ADAMTS13: variants seen among roughly 807,000 people sequenced by gnomAD.
ADAMTS13 encodes ADAM metallopeptidase with thrombospondin type 1 motif 13.
In ADAMTS13, 110 loss-of-function variants were observed where a neutral mutation model predicts 155.1. The observed-to-expected ratio is 0.71, with a 90% CI of 0.61 to 0.83. The LOEUF is 0.83. ADAMTS13 is among the 40% of genes least tolerant of loss of function. The pLI is 0.00. For synonymous variants in ADAMTS13, 758 were observed against 756.4 expected (o/e 1.00, Z -0.03); for missense variants, 1,707 against 1,891.7 (o/e 0.90, Z 1.81).
chr9:133,423,720 G>A (rs587765302), intron 2 of ADAMTS13, among the ~76,000 whole-genome samples: 2 of 152,346 alleles, frequency 1.3e-5, no homozygotes, highest in Admixed American at 1.3e-4. Flanking sequence ...AGGAGGGCAA[G>A]GCCCACTTTG....
At chr9:133,423,228 C>T (rs1430728530) in intron 2 of ADAMTS13, 61 bp downstream of exon 2, 8 of 1,494,014 alleles carry the variant, frequency 5.4e-6, no homozygotes, top group Non-Finnish European at 7.5e-6. Flanking sequence ...AGGGGTATCT[C>T]ACCACTGAGT....
chr9:133,448,834 G>C (rs1554793421), intron 22 of ADAMTS13, 106 bp downstream of exon 22: 2 of 1,501,182 alleles, frequency 1.3e-6, no homozygotes, highest in Admixed American at 2.0e-5. Flanking sequence ...GGTGCTGCTG[G>C]CTGTGCACTG....
rs1021945973 is a variant in ADAMTS13 at position 133,433,440 on chromosome 9, G to A, written c.1155G>A (p.Gly385=). ...VELTPIAAVH[G]RWSSWGPRSP... ...TGACCCCCATAGCAGCAGTGCATGG[G>A]CGCTGGTCTAGCTGGGGTCCCCGAA... Residue 385 remains glycine (G), a synonymous_variant, in exon 10 of 29, where the codon GGG becomes GGA. Coordinates refer to ENST00000355699, the MANE Select transcript of ADAMTS13 (RefSeq NM_139027.6). The A allele has an allele frequency of 1.2e-6, 2 of 1,613,456 alleles. No homozygotes were observed. Among genetic ancestry groups the A allele is most frequent in the Non-Finnish European group, 1.7e-6 (2 of 1,179,956 alleles).
At chr9:133,432,773 T>G (rs1554787865) in intron 9 of ADAMTS13, 81 bp downstream of exon 9, 1 of 1,374,934 alleles carries the variant, frequency 7.3e-7, no homozygotes, top group Non-Finnish European at 1.0e-6. Flanking sequence ...TATTCCTAGG[T>G]CAGGAGGCAG....
chr9:133,444,267 C>A (rs1588186670), intron 19 of ADAMTS13, among the ~76,000 whole-genome samples: 1 of 152,196 alleles, frequency 6.6e-6, no homozygotes, highest in Admixed American at 6.5e-5. Flanking sequence ...GCACCTGTTT[C>A]TCTGCACCTG....
In ADAMTS13 at chr9:133,456,091, T is replaced by C; in HGVS notation, c.3423T>C (p.Leu1141=). 1 of 1,613,130 alleles carries C rather than the reference T, an allele frequency of 6.2e-7. No individual in the cohort carries two copies. The highest frequency in any genetic ancestry group is 8.5e-7 in the Non-Finnish European group (1 of 1,179,932). The part of the protein sequence containing the change: ...VGQGACGRQH[L]EPTGTIDMRG... ...CAGGTGCCTGTGGCAGGCAGCACCT[T>C]GAGCCAACAGGAACCATTGACATGC... The change falls in exon 26 of 29, where the codon CTT becomes CTC. Residue 1141 remains leucine, a synonymous_variant. Coordinates refer to ENST00000355699, the MANE Select transcript of ADAMTS13 (RefSeq NM_139027.6). This position sits in a 1 kb window ranked among gnomAD's most constrained non-coding sequence, Gnocchi z 4.4.
chr9:133,430,123 T>TG (rs782093351), intron 8 of ADAMTS13, 22 bp downstream of exon 8: 15 of 1,563,072 alleles, frequency 9.6e-6, no homozygotes, highest in Non-Finnish European at 1.3e-5. Flanking sequence ...GGCGGTGGCC[T>TG]GGGATTGGCT....
At chr9:133,438,482 C>T in intron 14 of ADAMTS13, 116 bp downstream of exon 14, 1 of 1,471,350 alleles carries the variant, frequency 6.8e-7, no homozygotes, top group Non-Finnish European at 9.2e-7. Context: ...CTCACTCAGC[C>T]CTGGATGCCT....
intron 1 of ADAMTS13, among the ~76,000 whole-genome samples, chr9:133,416,059 A>G (rs1554781502): frequency 6.6e-6 from 1 of 152,160 alleles, no homozygotes; most frequent in Admixed American, 6.5e-5. Flanking sequence ...ATAAAGAAAA[A>G]ACGTTTATGT....
chr9:133,432,562 C>A, intron 8 of ADAMTS13, 26 bp from the exon 9 acceptor site: 1 of 1,543,768 alleles, frequency 6.5e-7, no homozygotes, highest in Non-Finnish European at 8.8e-7. Flanking sequence ...CCCCTGAGCT[C>A]GCCACCCACC....
chr9:133,455,682 G>T (rs1396175506), intron 25 of ADAMTS13: 4 of 1,548,326 alleles, frequency 2.6e-6, no homozygotes, highest in Non-Finnish European at 3.5e-6. Flanking sequence ...GGAAGGACTG[G>T]CACAAGCACT....
At chr9:133,442,842 C>A in intron 18 of ADAMTS13, 99 bp downstream of exon 18, 1 of 1,475,190 alleles carries the variant, frequency 6.8e-7, no homozygotes, top group Non-Finnish European at 9.0e-7. Flanking sequence ...GTGGCAGGGC[C>A]GGGCTGAGCT....
rs587613033 is a variant in ADAMTS13 at position 133,432,422 on chromosome 9, C to T, written c.988-166C>T. On this transcript the variant is annotated intron_variant, in intron 8 of 28. Coordinates refer to ENST00000355699, the MANE Select transcript of ADAMTS13 (RefSeq NM_139027.6). ...CCTGGTCATGGTCCCGGTTCCCCAT[C>T]GATGGGTCAGTCATGCCTTGTCCTC... Among the ~76,000 whole-genome samples, 17 of 152,376 alleles carry T rather than the reference C, an allele frequency of 1.1e-4. No individual in the cohort carries two copies. The East Asian group carries it at 2.5e-3, about 22-fold the overall frequency.
chr9:133,421,788 T>C (rs1306819214), upstream of ADAMTS13, among the ~76,000 whole-genome samples: 1 of 151,722 alleles, frequency 6.6e-6, no homozygotes, highest in Non-Finnish European at 1.5e-5. Flanking sequence ...CTTTGAGGGG[T>C]GGAAAGACAA....
Position 133,433,449 on chromosome 9 carries a change from T to C in ADAMTS13, c.1164T>C (p.Ser388=). The change falls in exon 10 of 29, where the codon TCT becomes TCC. Residue 388 remains serine (S), a synonymous_variant. Transcript: ENST00000355699. The part of the protein sequence containing the change: ...TPIAAVHGRW[S]SWGPRSPCSR... ...TAGCAGCAGTGCATGGGCGCTGGTC[T>C]AGCTGGGGTCCCCGAAGTCCTTGCT... The C allele has an allele frequency of 6.2e-7, 1 of 1,613,556 alleles. No individual in the cohort carries two copies. The highest frequency in any genetic ancestry group is 8.5e-7 in the Non-Finnish European group (1 of 1,179,956).
upstream of ADAMTS13, among the ~76,000 whole-genome samples, chr9:133,419,354 A>G (rs1554782503): frequency 6.6e-6 from 1 of 152,136 alleles, no homozygotes; most frequent in Non-Finnish European, 1.5e-5. Flanking sequence ...CCAAGGAGAG[A>G]CGTCTAATCA....
Position 133,455,009 on chromosome 9 carries a change from C to T in ADAMTS13, c.3250-276C>T, listed in dbSNP as rs28396988. On this transcript the variant is annotated intron_variant, in intron 24 of 28. Transcript: ENST00000355699. The stretch of plus-strand genomic sequence containing the variant: ...AGGGGCACAGCAGACAGAGATGAGC[C>T]GCAGCCCCGCAGACCTGCTTGCTCT... Among the ~76,000 whole-genome samples, 339 of 152,242 alleles carry T rather than the reference C, an allele frequency of 2.2e-3. 8 individuals carry two copies. In the East Asian group the frequency reaches 0.046, roughly 21 times the overall value.
At position 133,454,617 on chromosome 9, in the gene ADAMTS13, G is replaced by A; in HGVS notation, c.3247G>A (p.Glu1083Lys). The change falls in exon 24 of 29, where the codon GAG (glutamate) becomes AAG (lysine). Residue 1083 changes from glutamate (E) to lysine (K), a missense_variant and splice_region_variant. Physicochemically the swap from Glu to Lys is moderately conservative, Grantham distance 56. Around this residue, in one of 3 missense-constraint regions of ADAMTS13, gnomAD observed 961 missense variants for 1,107.9 expected, o/e 0.87. Transcript: ENST00000355699. Reference protein sequence around the residue: ...TYRWHVGTWMECSVSCGDGIQ... With the variant: ...TYRWHVGTWMKCSVSCGDGIQ... ...CCGCTGGCATGTTGGCACCTGGATGGAGGTGAGCACAGCGGGCACTCGGAA... is the reference window on the plus strand; with the variant it reads ...CCGCTGGCATGTTGGCACCTGGATGAAGGTGAGCACAGCGGGCACTCGGAA... 6.3e-7 allele frequency: 1 copy of A among 1,599,328 alleles called. No homozygotes were observed. Among genetic ancestry groups the A allele is most frequent in the Non-Finnish European group, 8.5e-7 (1 of 1,178,326 alleles).
At chr9:133,433,252 C>T (rs782102225) in intron 9 of ADAMTS13, 126 bp from the exon 10 acceptor site, 25 of 1,296,416 alleles carry the variant, frequency 1.9e-5, no homozygotes, top group Admixed American at 5.1e-5. Flanking sequence ...GTTTGGGGGT[C>T]GCTGTGGGTG....
Sources: gnomAD v4.1 joint callset for allele counts (sites outside exome capture counted in the v4.1 genomes callset) on GRCh38, gnomAD v4.1.1 for gene constraint, gnomAD v4.1.1 regional missense constraint, Gnocchi (gnomAD v3.1) non-coding constraint, MANE v1.5 for transcripts, NCBI Gene and HGNC (gene_info 2026-07-23, HGNC 2026-07-21) for gene names.